The following CCND2 variants were observed in gnomAD, a reference collection of about 807,000 sequenced individuals.
CCND2 encodes the protein cyclin D2.
Under a neutral mutation model 30.2 loss-of-function variants are expected in CCND2, and 6 were observed. That is an observed-to-expected ratio of 0.20 (90% confidence interval 0.11 to 0.39). CCND2 has a LOEUF of 0.39. CCND2 is among the 10% of genes least tolerant of loss of function. The pLI is 1.00. For synonymous variants in CCND2, 150 were observed against 153.1 expected, an observed-to-expected ratio of 0.98 and a Z score of 0.15; for missense variants, 235 against 373.4, an observed-to-expected ratio of 0.63 and a Z score of 3.06.
Position 4,278,868 on chromosome 12 carries a change from C to T in CCND2, c.520C>T (p.Leu174=). 1 of 1,614,188 alleles carries T rather than the reference C, an allele frequency of 6.2e-7. No homozygotes were observed. The highest frequency in any genetic ancestry group is 1.1e-5 in the South Asian group (1 of 91,084). The change falls in exon 3 of 5, where the codon CTG becomes TTG. Residue 174 remains leucine, a synonymous_variant. Transcript: ENST00000261254. ...CAAGCTGCCCCAGCAGCGGGAGAAGCTGTCTCTGATCCGCAAGCATGCTCA... is the reference window on the plus strand; with the variant it reads ...CAAGCTGCCCCAGCAGCGGGAGAAGTTGTCTCTGATCCGCAAGCATGCTCA... ...LRKLPQQREK[L]SLIRKHAQTF...
Position 4,288,872 on chromosome 12 carries a change from T to C in CCND2, c.602T>C (p.Met201Thr). The change falls in exon 4 of 5, where the codon ATG becomes ACG. Residue 201 changes from methionine (M) to threonine (T), a missense_variant. By Grantham distance (81) the Met-to-Thr change is moderately conservative (BLOSUM62 -1). This residue lies in a region of CCND2 where 178 missense variants were observed against 322.8 expected (regional missense o/e 0.55). Transcript: ENST00000261254. ...DFKFAMYPPS[M>T]IATGSVGAAI... Reference sequence around the variant, plus strand: ...AAGTTTGCCATGTACCCACCGTCGATGATCGCAACTGGAAGTGTGGGAGCA... The same window carrying C: ...AAGTTTGCCATGTACCCACCGTCGACGATCGCAACTGGAAGTGTGGGAGCA... 1 of 1,613,484 alleles carries C rather than the reference T, an allele frequency of 6.2e-7. No individual in the cohort carries two copies. The highest frequency in any genetic ancestry group is 8.5e-7 in the Non-Finnish European group (1 of 1,179,742).
chr12:4,290,427 G>T (rs529601085), intron 4 of CCND2, among the ~76,000 whole-genome samples: 1 of 152,322 alleles, frequency 6.6e-6, no homozygotes, highest in South Asian at 2.1e-4. Context: ...AATCGTGGAC[G>T]GGACTTAACG....
At chr12:4,295,258 T>C (rs1419416518) in intron 4 of CCND2, among the ~76,000 whole-genome samples, 1 of 152,198 alleles carries the variant, frequency 6.6e-6, no homozygotes, top group Non-Finnish European at 1.5e-5. Context: ...CTTGCTGAAC[T>C]AGAATGAGGG....
intron 2 of CCND2, among the ~76,000 whole-genome samples, chr12:4,277,808 G>T (rs1270225530): frequency 6.6e-6 from 1 of 152,254 alleles, no homozygotes; most frequent in African/African-American, 2.4e-5. Flanking sequence ...TGGCAAACAG[G>T]CCCTGCCTCT....
rs1202238013 is a variant in CCND2, at chr12:4,300,812, C to A, written c.*803C>A. The A allele has an allele frequency of 8.6e-6, 2 of 233,490 alleles. No homozygotes were observed. Among genetic ancestry groups the A allele is most frequent in the Non-Finnish European group, 1.7e-5 (2 of 118,036 alleles). 14.5% of individuals were successfully genotyped at this position (233,490 alleles called of 1,614,324 possible). A position where few individuals can be genotyped will look rare whatever the true frequency, so the allele number is the denominator to read the frequency against. ...AACCAAAACTCACATGAAACGGAGG[C>A]AGATGGAGACCAAGGGTGGGATCCA... On this transcript the variant is annotated 3_prime_UTR_variant, in exon 5 of 5. Coordinates refer to ENST00000261254, the MANE Select transcript of CCND2 (RefSeq NM_001759.4).
chr12:4,279,570 G>A (rs1395295614), intron 3 of CCND2, among the ~76,000 whole-genome samples: 1 of 152,106 alleles, frequency 6.6e-6, no homozygotes, highest in Non-Finnish European at 1.5e-5. Context: ...TTTGGCCGCA[G>A]CCTTTAACGT....
intron 4 of CCND2, among the ~76,000 whole-genome samples, chr12:4,295,137 T>C (rs1864150515): frequency 6.6e-6 from 1 of 152,244 alleles, no homozygotes; most frequent in African/African-American, 2.4e-5. Flanking sequence ...AAGGTATTCA[T>C]ATGCAAGGCA....
rs1458142895 is a variant in CCND2 at position 4,299,500 on chromosome 12, A to G, written c.721-360A>G. 6.6e-6 allele frequency among the ~76,000 whole-genome samples: 1 copy of G among 152,150 alleles called. No homozygotes were observed. Among genetic ancestry groups the G allele is most frequent in the African/African-American group, 2.4e-5 (1 of 41,436 alleles). On this transcript the variant is annotated intron_variant, in intron 4 of 4. Coordinates refer to ENST00000261254, the MANE Select transcript of CCND2 (RefSeq NM_001759.4). This position sits in a 1 kb window ranked among gnomAD's most constrained non-coding sequence, Gnocchi z 5.2. ...TTCCCAGCTTCCCCAGGCAGAAAGCATCTGGTCGGCCCCTTGATTACCAGG... is the reference window on the plus strand; with the variant it reads ...TTCCCAGCTTCCCCAGGCAGAAAGCGTCTGGTCGGCCCCTTGATTACCAGG...
chr12:4,274,342 G>A lies in CCND2; in HGVS notation c.195+107G>A. On this transcript the variant is annotated intron_variant, in intron 1 of 4. Coordinates refer to ENST00000261254, the MANE Select transcript of CCND2 (RefSeq NM_001759.4). The surrounding 1 kb of genome is among the most constrained non-coding windows in gnomAD (Gnocchi z 7.7). The stretch of plus-strand genomic sequence containing the variant: ...AGGGCAATCCCCGCGCCGGCCTCCC[G>A]GCTCCTGTGCGGGAGTTTACCGCGC... The A allele has an allele frequency of 1.6e-6, 2 of 1,241,734 alleles. No individual in the cohort carries two copies. The highest frequency in any genetic ancestry group is 2.3e-6 in the Non-Finnish European group (2 of 874,138). The allele number at this position is 1,241,734 out of a possible 1,614,324, so 76.9% of individuals were successfully genotyped here.
chr12:4,296,536 C>T (rs919781232), intron 4 of CCND2, among the ~76,000 whole-genome samples: 33 of 152,368 alleles, frequency 2.2e-4, no homozygotes, highest in African/African-American at 7.7e-4. Flanking sequence ...ACGCAAGTTC[C>T]CTCAGTCAGC....
chr12:4,291,207 C>G (rs867553984), intron 4 of CCND2, among the ~76,000 whole-genome samples: 2 of 138,714 alleles, frequency 1.4e-5, no homozygotes, highest in East Asian at 4.5e-4. Flanking sequence ...CTGGGCTAGG[C>G]TGTGTGTGTG....
rs982715360 is a variant in CCND2, at chr12:4,304,387, C to T, written c.*4378C>T. The T allele has an allele frequency of 8.6e-6, 2 of 233,430 alleles. No individual in the cohort carries two copies. The highest frequency in any genetic ancestry group is 5.6e-5 in the Admixed American group (1 of 17,778). The allele number at this position is 233,430 out of a possible 1,614,324, so 14.5% of individuals were successfully genotyped here. On this transcript the variant is annotated 3_prime_UTR_variant, in exon 5 of 5. Coordinates refer to ENST00000261254, the MANE Select transcript of CCND2 (RefSeq NM_001759.4). This position sits in a 1 kb window ranked among gnomAD's most constrained non-coding sequence, Gnocchi z 6.2. ...ATAAAGTCCCCTTAAGCCAACAAACCCTCTGTAGCTATAGAATGAGTGCAG... is the reference window on the plus strand; with the variant it reads ...ATAAAGTCCCCTTAAGCCAACAAACTCTCTGTAGCTATAGAATGAGTGCAG...
rs775161299 is a variant in CCND2 at position 4,274,058 on chromosome 12, C to G, written c.18C>G (p.His6Gln). The change falls in exon 1 of 5, where the codon CAC (histidine) becomes CAG (glutamine). Residue 6 changes from histidine to glutamine, a missense_variant. Around this residue, in one of 2 missense-constraint regions of CCND2, gnomAD observed 178 missense variants for 322.8 expected, o/e 0.55. Transcript: ENST00000261254. This position sits in a 1 kb window ranked among gnomAD's most constrained non-coding sequence, Gnocchi z 7.7. MELLC[H>Q]EVDPVRRAVR... ...GGCTGGCCATGGAGCTGCTGTGCCACGAGGTGGACCCGGTCCGCAGGGCCG... is the reference window on the plus strand; with the variant it reads ...GGCTGGCCATGGAGCTGCTGTGCCAGGAGGTGGACCCGGTCCGCAGGGCCG... 1.2e-6 allele frequency: 2 copies of G among 1,612,160 alleles called. No individual in the cohort carries two copies.
chr12:4,274,131 C>T lies in CCND2; in HGVS notation c.91C>T (p.Leu31Phe), dbSNP rs746043858. The T allele has an allele frequency of 2.5e-6, 4 of 1,614,132 alleles. No homozygotes were observed. Among genetic ancestry groups the T allele is most frequent in the Non-Finnish European group, 3.4e-6 (4 of 1,179,990 alleles). Residue 31 changes from leucine to phenylalanine, a missense_variant, in exon 1 of 5, where the codon CTC becomes TTC. Transcript: ENST00000261254. The surrounding 1 kb of genome is among the most constrained non-coding windows in gnomAD (Gnocchi z 7.7). Reference sequence around the variant, plus strand: ...AGACGACCGCGTCCTGCAGAACCTGCTCACCATCGAGGAGCGCTACCTTCC... The same window carrying T: ...AGACGACCGCGTCCTGCAGAACCTGTTCACCATCGAGGAGCGCTACCTTCC... ...LRDDRVLQNL[L>F]TIEERYLPQC... is the part of the protein sequence containing the mutation.
chr12:4,294,362 C>A (rs1375750352), intron 4 of CCND2, among the ~76,000 whole-genome samples: 1 of 152,154 alleles, frequency 6.6e-6, no homozygotes, highest in African/African-American at 2.4e-5. Context: ...AGGGTACCAC[C>A]TGTCCAGGCT....
intron 4 of CCND2, among the ~76,000 whole-genome samples, chr12:4,289,669 G>A (rs1864070899): frequency 6.6e-6 from 1 of 152,222 alleles, no homozygotes; most frequent in South Asian, 2.1e-4. Flanking sequence ...TGAGAAGAAA[G>A]GTTTTGAGAG....
chr12:4,277,330 G>A (rs530535272), intron 2 of CCND2, among the ~76,000 whole-genome samples: 1 of 152,194 alleles, frequency 6.6e-6, no homozygotes, highest in Non-Finnish European at 1.5e-5. Context: ...TGAAGAGGAA[G>A]GGCTGGCATT....
Position 4,276,178 on chromosome 12 carries a change from G to A in CCND2, c.369G>A (p.Leu123=), listed in dbSNP as rs751723166. 42 of 1,614,098 alleles carry A rather than the reference G, an allele frequency of 2.6e-5. No individual in the cohort carries two copies. The highest frequency in any genetic ancestry group is 3.4e-5 in the Non-Finnish European group (40 of 1,180,046). Residue 123 remains leucine, a synonymous_variant, in exon 2 of 5, where the codon CTG becomes CTA. Transcript: ENST00000261254. This position sits in a 1 kb window ranked among gnomAD's most constrained non-coding sequence, Gnocchi z 4.8. ...KETSPLTAEK[L]CIYTDNSIKP... ...CCAGCCCGCTGACCGCGGAGAAGCT[G>A]TGCATTTACACCGACAACTCCATCA...
Position 4,277,299 on chromosome 12 carries a change from G to C in CCND2, c.411+1079G>C, listed in dbSNP as rs568333157. On this transcript the variant is annotated intron_variant, in intron 2 of 4. Coordinates refer to ENST00000261254, the MANE Select transcript of CCND2 (RefSeq NM_001759.4). ...CTTTAATAACGGTGCAAGACCAGTGGTTCGTACTCGCATTACCCTGTGAAG... is the reference window on the plus strand; with the variant it reads ...CTTTAATAACGGTGCAAGACCAGTGCTTCGTACTCGCATTACCCTGTGAAG... 3.3e-5 allele frequency among the ~76,000 whole-genome samples: 5 copies of C among 152,294 alleles called. No homozygotes were observed. In the South Asian group the frequency reaches 6.2e-4, roughly 19 times the overall value.
Sources: allele counts gnomAD v4.1 joint callset (sites outside exome capture counted in the v4.1 genomes callset), GRCh38; gene constraint gnomAD v4.1.1; regional missense constraint gnomAD v4.1.1; non-coding constraint Gnocchi (gnomAD v3.1); transcripts MANE v1.5; gene names NCBI Gene and HGNC (gene_info 2026-07-23, HGNC 2026-07-21).